FRMPD3: variants seen among roughly 807,000 people sequenced by gnomAD.
FRMPD3 encodes FERM and PDZ domain-containing protein 3.
In FRMPD3, 42 loss-of-function variants were observed where a neutral mutation model predicts 97.9. That is an observed-to-expected ratio of 0.43 (90% CI 0.34 to 0.55). The LOEUF (loss-of-function observed/expected upper bound fraction) is 0.55, where lower values mean the gene tolerates loss of function less well. FRMPD3 is among the 20% of genes least tolerant of loss of function. FRMPD3 has a pLI of 0.03. For synonymous variants in FRMPD3, 577 were observed against 581.1 expected, an observed-to-expected ratio of 0.99 and a Z score of 0.10; for missense variants, 1,303 against 1,457.7, an observed-to-expected ratio of 0.89 and a Z score of 1.73.
At chrX:107,500,474 T>C (rs1298867861) in intron 1 of FRMPD3, among the ~76,000 whole-genome samples, 1 of 112,427 alleles carries the variant, frequency 8.9e-6, no homozygotes, top group Non-Finnish European at 1.9e-5. Flanking sequence ...CTAAGTTTCC[T>C]AATATGTAAA....
rs144393851 is a variant in FRMPD3 at position 107,524,985 on chromosome X, G to C, written c.-7-1597G>C. Among the ~76,000 whole-genome samples the C allele has an allele frequency of 9.7e-3, 655 of 67,825 alleles. 1 individual carries two copies. The highest frequency in any genetic ancestry group is 0.04 in the African/African-American group (581 of 14,689). 58.9% of individuals were successfully genotyped at this position (67,825 alleles called of 115,157 possible). Reference sequence around the variant, plus strand: ...CACTCCAGCTGGCGTAACAGAGGGAGACTCCATCTCAAAAAAAAAAAAAAA... The same window carrying C: ...CACTCCAGCTGGCGTAACAGAGGGACACTCCATCTCAAAAAAAAAAAAAAA... On this transcript the variant is annotated intron_variant, in intron 1 of 14. Coordinates refer to ENST00000683843, the MANE Select transcript of FRMPD3 (RefSeq NM_001388459.1).
intron 1 of FRMPD3, among the ~76,000 whole-genome samples, chrX:107,495,370 C>A (rs1921749391): frequency 8.9e-6 from 1 of 112,164 alleles, no homozygotes; most frequent in African/African-American, 3.2e-5. Flanking sequence ...CACTTATTCT[C>A]TGAACTGTCT....
chrX:107,546,020 C>T (rs1028881976), intron 5 of FRMPD3, among the ~76,000 whole-genome samples, 179 bp downstream of exon 5: 1 of 111,381 alleles, frequency 9.0e-6, no homozygotes, highest in Non-Finnish European at 1.9e-5. Context: ...CCAGAGAGGC[C>T]CCAGGCATTG....
intron 1 of FRMPD3, among the ~76,000 whole-genome samples, chrX:107,485,263 G>T (rs1921474728): frequency 8.9e-6 from 1 of 112,438 alleles, no homozygotes; most frequent in Non-Finnish European, 1.9e-5. Flanking sequence ...CAGTTCCTCA[G>T]GAAACTGATT....
chrX:107,549,147 C>T (rs1461240527), intron 5 of FRMPD3, among the ~76,000 whole-genome samples: 2 of 109,443 alleles, frequency 1.8e-5, no homozygotes, highest in Non-Finnish European at 3.8e-5. Context: ...CCTCCCATTG[C>T]TAGAGAGCTT....
intron 1 of FRMPD3, among the ~76,000 whole-genome samples, chrX:107,454,557 A>T: frequency 9.0e-6 from 1 of 111,115 alleles, no homozygotes. Context: ...GCCCCAGTCC[A>T]CCCTGACTCC....
At chrX:107,599,390 A>G (rs999815521) in intron 14 of FRMPD3, among the ~76,000 whole-genome samples, 2 of 111,980 alleles carry the variant, frequency 1.8e-5, no homozygotes, top group African/African-American at 6.5e-5. Flanking sequence ...TCCATGTGTG[A>G]GGACACCCTT....
intron 1 of FRMPD3, among the ~76,000 whole-genome samples, chrX:107,450,299 A>T (rs1931258965): frequency 9.0e-6 from 1 of 110,970 alleles, no homozygotes; most frequent in Admixed American, 9.4e-5. Flanking sequence ...CAGCGCGTTC[A>T]TTATGGAGCC....
chrX:107,526,814 T>C (rs1922715090), intron 2 of FRMPD3, 78 bp downstream of exon 2: 1 of 965,432 alleles, frequency 1.0e-6, no homozygotes, highest in Admixed American at 3.0e-5. Context: ...AAAGCAGAGC[T>C]TCCAAGCATT....
chrX:107,572,222 T>G (rs141581703), intron 12 of FRMPD3, among the ~76,000 whole-genome samples: 1,758 of 111,463 alleles, frequency 0.016, 35 homozygotes, highest in Admixed American at 0.081. Flanking sequence ...ACAGGAGCAT[T>G]TCAGCCAGAG....
chrX:107,491,206 C>T (rs904278287), intron 1 of FRMPD3, among the ~76,000 whole-genome samples: 10 of 111,981 alleles, frequency 8.9e-5, no homozygotes, highest in African/African-American at 1.3e-4. Flanking sequence ...TCACTGTTGT[C>T]GTGCTTGTTG....
At chrX:107,580,693 T>A (rs1923343180) in intron 13 of FRMPD3, among the ~76,000 whole-genome samples, 1 of 111,387 alleles carries the variant, frequency 9.0e-6, no homozygotes, top group African/African-American at 3.3e-5. Context: ...CATAATGAAC[T>A]TATAGTTCAT....
intron 4 of FRMPD3, among the ~76,000 whole-genome samples, chrX:107,539,568 G>T (rs1276321189): frequency 9.0e-6 from 1 of 110,554 alleles, no homozygotes; most frequent in Non-Finnish European, 1.9e-5. Flanking sequence ...AATCCCTTCT[G>T]CTTGGAGCCA....
At chrX:107,538,732 C>G (rs1335540007) in intron 4 of FRMPD3, among the ~76,000 whole-genome samples, 1 of 111,289 alleles carries the variant, frequency 9.0e-6, no homozygotes, top group African/African-American at 3.3e-5. Context: ...GCCATCTCAG[C>G]TCACTGCAAC....
At chrX:107,580,498 C>T (rs956075587) in intron 13 of FRMPD3, among the ~76,000 whole-genome samples, 7 of 111,461 alleles carry the variant, frequency 6.3e-5, no homozygotes, top group Non-Finnish European at 1.1e-4. Context: ...GGGAGGGAAG[C>T]CACCCTTAGA....
intron 1 of FRMPD3, among the ~76,000 whole-genome samples, chrX:107,507,184 G>A (rs1042991395): frequency 5.4e-5 from 6 of 110,611 alleles, no homozygotes; most frequent in Non-Finnish European, 1.1e-4. Context: ...GTGAGTTGGC[G>A]CGTCGGAAGC....
chrX:107,530,406 C>T lies in FRMPD3; in HGVS notation c.149-3C>T. ...CCTCACACCTCTCTCCTCTCCTTTG[C>T]AGGAGGCCCCTCTGAGAACAAGCTC... is the stretch of plus-strand genomic sequence containing the variant. On this transcript the variant is annotated splice_polypyrimidine_tract_variant and splice_region_variant and intron_variant, in intron 2 of 14. Coordinates refer to ENST00000683843, the MANE Select transcript of FRMPD3 (RefSeq NM_001388459.1). 4.2e-6 allele frequency: 5 copies of T among 1,177,932 alleles called. No individual in the cohort carries two copies. Among genetic ancestry groups the T allele is most frequent in the Non-Finnish European group, 5.7e-6 (5 of 876,211 alleles).
intron 12 of FRMPD3, among the ~76,000 whole-genome samples, chrX:107,570,617 CTTG>C (rs1238786637): frequency 3.1e-4 from 34 of 111,245 alleles, no homozygotes; most frequent in African/African-American, 1.1e-3. Flanking sequence ...GATATTCTGC[CTTG>C]CCCCCAAATT....
intron 1 of FRMPD3, among the ~76,000 whole-genome samples, chrX:107,525,863 G>A (rs763873582): frequency 4.2e-4 from 47 of 111,305 alleles, no homozygotes; most frequent in Non-Finnish European, 8.5e-4. Context: ...ATCACTTGAG[G>A]CCAGGAGTTC....
Sources: gnomAD v4.1 joint callset for allele counts (sites outside exome capture counted in the v4.1 genomes callset) on GRCh38, gnomAD v4.1.1 for gene constraint, MANE v1.5 for transcripts, NCBI Gene and HGNC (gene_info 2026-07-23, HGNC 2026-07-21) for gene names.